Variants in CHPT1 observed in about 807,000 individuals in gnomAD.
The protein encoded by CHPT1 is choline phosphotransferase 1, also known as cholinephosphotransferase 1.
A neutral mutation model predicts 47.6 loss-of-function variants in CHPT1; 36 were observed. That is an observed-to-expected ratio of 0.76 (90% CI 0.58 to 1.00). The LOEUF is 1.00. CHPT1 is among the 50% of genes least tolerant of loss of function. The pLI is 0.00. For missense variants in CHPT1, 458 were observed against 498.1 expected, an observed-to-expected ratio of 0.92 and a Z score of 0.77; for synonymous variants, 194 against 186.3, an observed-to-expected ratio of 1.04 and a Z score of -0.33.
intron 3 of CHPT1, among the ~76,000 whole-genome samples, chr12:101,715,650 C>G (rs1480604579): frequency 1.3e-5 from 2 of 151,986 alleles, no homozygotes; most frequent in African/African-American, 4.8e-5. Flanking sequence ...ATCTACAGCT[C>G]AGGAAAAAAT....
At position 101,712,105 on chromosome 12, in the gene CHPT1, C is replaced by G. The variant is rs1951707163; in HGVS notation, c.274-1985C>G. 2.0e-5 allele frequency among the ~76,000 whole-genome samples: 3 copies of G among 148,662 alleles called. No homozygotes were observed. In the South Asian group the frequency reaches 6.4e-4, roughly 32 times the overall value. ...TGGCACTCACTGCTCACTGCACCCT[C>G]GACTTCCCCAGGCTTGGGTGATCCT... On this transcript the variant is annotated intron_variant, in intron 1 of 8. Transcript: ENST00000229266.
chr12:101,718,963 C>G (rs191095536), intron 4 of CHPT1, among the ~76,000 whole-genome samples: 1 of 151,926 alleles, frequency 6.6e-6, no homozygotes, highest in South Asian at 2.1e-4. Flanking sequence ...TAAAGACCAG[C>G]CTGGCCAACA....
Position 101,723,342 on chromosome 12 carries a change from T to A in CHPT1, c.939+16T>A. The A allele has an allele frequency of 1.4e-6, 2 of 1,418,026 alleles. No homozygotes were observed. Among genetic ancestry groups the A allele is most frequent in the Non-Finnish European group, 2.0e-6 (2 of 1,021,934 alleles). 87.8% of individuals were successfully genotyped at this position (1,418,026 alleles called of 1,614,324 possible). ...AAAATTAGTGGTAAGAAATTTTTAT[T>A]ATTCATGATATAAATAATATACTTA... On this transcript the variant is annotated intron_variant, in intron 6 of 8. Transcript: ENST00000229266.
At chr12:101,726,007 G>A (rs1471995998) in intron 7 of CHPT1, among the ~76,000 whole-genome samples, 1 of 152,152 alleles carries the variant, frequency 6.6e-6, no homozygotes, top group East Asian at 1.9e-4. Context: ...GCAGGAAGTT[G>A]AAACAATGTG....
chr12:101,712,046 A>G (rs1951706557), intron 1 of CHPT1, among the ~76,000 whole-genome samples: 1 of 148,658 alleles, frequency 6.7e-6, no homozygotes, highest in Admixed American at 6.9e-5. Context: ...TTTTCAAGAC[A>G]GGGTCTCGCT....
intron 1 of CHPT1, among the ~76,000 whole-genome samples, chr12:101,698,668 G>A (rs772796165): frequency 2.0e-5 from 3 of 152,176 alleles, no homozygotes; most frequent in Non-Finnish European, 2.9e-5. Flanking sequence ...CTTCCTCTTT[G>A]CTTCATCGAC....
intron 1 of CHPT1, among the ~76,000 whole-genome samples, chr12:101,712,632 G>T (rs1314607077): frequency 6.8e-6 from 1 of 148,120 alleles, no homozygotes; most frequent in African/African-American, 2.4e-5. Flanking sequence ...GTTTCCATTG[G>T]TACATGCTTA....
intron 1 of CHPT1, among the ~76,000 whole-genome samples, chr12:101,709,853 T>C (rs1951682889): frequency 2.7e-5 from 4 of 148,644 alleles, no homozygotes. Flanking sequence ...ATTCAGTCTG[T>C]GTGGCCTGTG....
At chr12:101,720,650 AT>A (rs1951834640) in intron 5 of CHPT1, among the ~76,000 whole-genome samples, 1 of 152,182 alleles carries the variant, frequency 6.6e-6, no homozygotes. Flanking sequence ...CATCAAGTAA[AT>A]TTTATTGAAA....
At chr12:101,711,236 A>G (rs1300212287) in intron 1 of CHPT1, among the ~76,000 whole-genome samples, 1 of 148,908 alleles carries the variant, frequency 6.7e-6, no homozygotes. Context: ...TTGCACTCCC[A>G]TGATCATTGT....
intron 8 of CHPT1, 132 bp downstream of exon 8, chr12:101,726,536 A>G: frequency 7.8e-7 from 1 of 1,277,750 alleles, no homozygotes; most frequent in Non-Finnish European, 1.0e-6. Context: ...TGAATATAAA[A>G]CATAAACCCT....
In CHPT1 at chr12:101,714,079, AT is replaced by A. The variant is rs945933524; in HGVS notation, c.274-5del. On this transcript the variant is annotated splice_polypyrimidine_tract_variant and intron_variant, in intron 1 of 8. Coordinates refer to ENST00000229266, the MANE Select transcript of CHPT1 (RefSeq NM_020244.3). The stretch of plus-strand genomic sequence containing the variant: ...ACTTAACAATCTTTATTTTATTTAC[AT>A]TTTTTATAGGCACCATACTGGACAT... The A allele has an allele frequency of 2.6e-6, 4 of 1,567,392 alleles. No homozygotes were observed. The African/African-American group carries it at 4.1e-5, about 16-fold the overall frequency.
chr12:101,714,489 C>CTT lies in CHPT1; in HGVS notation c.422-13_422-12dup. On this transcript the variant is annotated splice_polypyrimidine_tract_variant and intron_variant, in intron 2 of 8. Transcript: ENST00000229266. ...TTTTTAATTCTTAATGATTCTTAAA[C>CTT]TTTGTTTCTTTCAGTATTTATGGCA... The CTT allele has an allele frequency of 6.3e-7, 1 of 1,585,262 alleles. No individual in the cohort carries two copies. The highest frequency in any genetic ancestry group is 8.5e-7 in the Non-Finnish European group (1 of 1,169,692).
intron 7 of CHPT1, among the ~76,000 whole-genome samples, chr12:101,724,560 T>C (rs974497937): frequency 6.6e-6 from 1 of 152,138 alleles, no homozygotes; most frequent in Non-Finnish European, 1.5e-5. Context: ...TCAGCTAATA[T>C]TGAGGAAACA....
In CHPT1 at chr12:101,722,633, C is replaced by T. The variant is rs202212380; in HGVS notation, c.781-535C>T. 2.7e-5 allele frequency among the ~76,000 whole-genome samples: 4 copies of T among 149,392 alleles called. No homozygotes were observed. The East Asian group carries it at 5.9e-4, about 22-fold the overall frequency. ...TTTGAGAAGCTGAGGCTGGGAGGAT[C>T]GCTTGAGCCCGGGAGTTTGAGACTG... On this transcript the variant is annotated intron_variant, in intron 5 of 8. Coordinates refer to ENST00000229266, the MANE Select transcript of CHPT1 (RefSeq NM_020244.3).
At chr12:101,711,131 A>G (rs1243686682) in intron 1 of CHPT1, among the ~76,000 whole-genome samples, 2 of 148,534 alleles carry the variant, frequency 1.3e-5, no homozygotes, top group African/African-American at 2.4e-5. Context: ...ACTGTATACA[A>G]AAATAAACTC....
chr12:101,707,696 G>A (rs1359319081), intron 1 of CHPT1, among the ~76,000 whole-genome samples: 1 of 152,160 alleles, frequency 6.6e-6, no homozygotes, highest in East Asian at 1.9e-4. Flanking sequence ...GCAAGGAAAA[G>A]GGAAGACTTA....
chr12:101,714,455 C>A, intron 2 of CHPT1, 49 bp from the exon 3 acceptor site: 1 of 1,489,674 alleles, frequency 6.7e-7, no homozygotes, highest in Non-Finnish European at 9.1e-7. Context: ...GCAATTATTT[C>A]ATAAATTATT....
rs1248602029 is a variant in CHPT1 at position 101,728,973 on chromosome 12, T to A, written c.*28T>A. The stretch of plus-strand genomic sequence containing the variant: ...AGACTTCCGAACACTTGCTATCTCT[T>A]GCTGCTGCTGTTTCATGGAAGGAGA... On this transcript the variant is annotated 3_prime_UTR_variant, in exon 9 of 9. Coordinates refer to ENST00000229266, the MANE Select transcript of CHPT1 (RefSeq NM_020244.3). 6.2e-7 allele frequency: 1 copy of A among 1,613,440 alleles called. No homozygotes were observed. The highest frequency in any genetic ancestry group is 8.5e-7 in the Non-Finnish European group (1 of 1,179,710).
Sources: allele counts gnomAD v4.1 joint callset (sites outside exome capture counted in the v4.1 genomes callset), GRCh38; gene constraint gnomAD v4.1.1; transcripts MANE v1.5; gene names NCBI Gene and HGNC (gene_info 2026-07-23, HGNC 2026-07-21).